The following R3HDML variants were observed in gnomAD, a reference collection of about 807,000 sequenced individuals.
The protein encoded by R3HDML is peptidase inhibitor R3HDML.
R3HDML carries 21 observed loss-of-function variants against 24.2 expected under a neutral mutation model. That is an observed-to-expected ratio of 0.87 (90% CI 0.62 to 1.25). The LOEUF is 1.25. R3HDML is among the 50% of genes most tolerant of loss of function. The probability of loss-of-function intolerance (pLI) is 0.00; values close to 1 mark genes in which losing one functional copy is unlikely to be tolerated. For missense variants in R3HDML, 301 were observed against 340.3 expected (o/e 0.88, Z 0.91); for synonymous variants, 133 against 131.5 (o/e 1.01, Z -0.08).
At position 44,341,191 on chromosome 20, in the gene R3HDML, C is replaced by A. The variant is rs1379753031; in HGVS notation, c.262-5C>A. The A allele has an allele frequency of 6.2e-7, 1 of 1,605,522 alleles. No homozygotes were observed. The highest frequency in any genetic ancestry group is 2.2e-5 in the East Asian group (1 of 44,636). ...TGGGGAATTTCATTGCCTTTCTTTC[C>A]CCAGGTCTGGGACAAGCGGCTGGCC... On this transcript the variant is annotated splice_polypyrimidine_tract_variant and splice_region_variant and intron_variant, in intron 1 of 4. Coordinates refer to ENST00000217043, the MANE Select transcript of R3HDML (RefSeq NM_178491.4).
chr20:44,345,287 C>G lies in R3HDML; in HGVS notation c.538C>G (p.Leu180Val). Reference protein sequence around the residue: ...TQMVWASSNRLGCAIHTCSSI... With the variant: ...TQMVWASSNRVGCAIHTCSSI... ...GATGGTGTGGGCATCCTCCAATCGG[C>G]TGGGCTGTGCCATCCACACCTGTAG... Residue 180 changes from leucine to valine, a missense_variant, in exon 4 of 5, where the codon CTG (leucine) becomes GTG (valine). Transcript: ENST00000217043. The G allele has an allele frequency of 6.2e-7, 1 of 1,614,152 alleles. No homozygotes were observed. The highest frequency in any genetic ancestry group is 8.5e-7 in the Non-Finnish European group (1 of 1,180,010).
chr20:44,345,976 C>T (rs1440433409), intron 4 of R3HDML, among the ~76,000 whole-genome samples: 2 of 151,850 alleles, frequency 1.3e-5, no homozygotes, highest in Non-Finnish European at 2.9e-5. Flanking sequence ...TCTGCCACCA[C>T]GCCCAGCTAA....
At chr20:44,341,706 G>A (rs2062772871) in intron 2 of R3HDML, among the ~76,000 whole-genome samples, 1 of 152,120 alleles carries the variant, frequency 6.6e-6, no homozygotes, top group African/African-American at 2.4e-5. Flanking sequence ...ACAGCATGGT[G>A]AAACCCCGTC....
chr20:44,344,241 A>AC (rs1238280420), intron 3 of R3HDML, among the ~76,000 whole-genome samples: 3 of 151,568 alleles, frequency 2.0e-5, no homozygotes, highest in Non-Finnish European at 2.9e-5. Flanking sequence ...AGATTGCACT[A>AC]CTGCACTCCA....
intron 4 of R3HDML, among the ~76,000 whole-genome samples, chr20:44,349,267 G>A (rs148757749): frequency 6.6e-6 from 1 of 152,192 alleles, no homozygotes; most frequent in Non-Finnish European, 1.5e-5. Flanking sequence ...ATAAACTCTT[G>A]GGCATGGGAA....
chr20:44,339,062 TAAAAAAAAAAA>T (rs750054379), intron 1 of R3HDML, among the ~76,000 whole-genome samples: 2 of 111,566 alleles, frequency 1.8e-5, no homozygotes, highest in Non-Finnish European at 3.6e-5. Flanking sequence ...AAACTCTATC[TAAAAAAAAAAA>T]AAAAAAAAAA....
At chr20:44,344,371 G>A (rs1361686709) in intron 3 of R3HDML, among the ~76,000 whole-genome samples, 2 of 152,080 alleles carry the variant, frequency 1.3e-5, no homozygotes, top group South Asian at 4.1e-4. Flanking sequence ...GAGCCCAGGA[G>A]GTTGAGGTTG....
At chr20:44,344,514 G>A (rs2062780824) in intron 3 of R3HDML, among the ~76,000 whole-genome samples, 2 of 152,112 alleles carry the variant, frequency 1.3e-5, no homozygotes, top group South Asian at 4.1e-4. Context: ...AGGTGCAGTG[G>A]CTCATGCCTG....
chr20:44,349,146 T>TA (rs1188627241), intron 4 of R3HDML, among the ~76,000 whole-genome samples: 7 of 145,798 alleles, frequency 4.8e-5, no homozygotes, highest in Admixed American at 2.1e-4. Flanking sequence ...TAAAATAAAA[T>TA]AAATAAAATA....
intron 4 of R3HDML, 32 bp downstream of exon 4, chr20:44,345,410 T>G: frequency 2.0e-6 from 3 of 1,506,160 alleles, no homozygotes; most frequent in Non-Finnish European, 2.7e-6. Flanking sequence ...AAGAGGGCCC[T>G]GGGGCCGGCG....
At position 44,337,343 on chromosome 20, in the gene R3HDML, C is replaced by A; in HGVS notation, c.186C>A (p.Asp62Glu). The A allele has an allele frequency of 6.2e-7, 1 of 1,614,204 alleles. No individual in the cohort carries two copies. The highest frequency in any genetic ancestry group is 8.5e-7 in the Non-Finnish European group (1 of 1,180,024). The change falls in exon 1 of 5, where the codon GAC becomes GAA. Residue 62 changes from aspartate to glutamate, a missense_variant. Coordinates refer to ENST00000217043, the MANE Select transcript of R3HDML (RefSeq NM_178491.4). The surrounding 1 kb of genome is among the most constrained non-coding windows in gnomAD (Gnocchi z 4.7). Reference sequence around the variant, plus strand: ...GGAAGCGCCACATCTCTGTGAGAGACATGAATGCCTTACTGGATTATCACA... The same window carrying A: ...GGAAGCGCCACATCTCTGTGAGAGAAATGAATGCCTTACTGGATTATCACA... ...YRRKRHISVR[D>E]MNALLDYHNH...
chr20:44,341,451 C>CT (rs1475206234), intron 2 of R3HDML, 137 bp downstream of exon 2: 1 of 661,384 alleles, frequency 1.5e-6, no homozygotes, highest in African/African-American at 1.8e-5. Flanking sequence ...TGCAGGGAGC[C>CT]TGCATTCTAG....
chr20:44,348,433 T>C (rs937811120), intron 4 of R3HDML, among the ~76,000 whole-genome samples: 1 of 151,352 alleles, frequency 6.6e-6, no homozygotes, highest in African/African-American at 2.4e-5. Flanking sequence ...TCCTTCCCCT[T>C]TCCTTTTCCC....
chr20:44,350,001 C>T (rs1481577601), intron 4 of R3HDML, among the ~76,000 whole-genome samples: 1 of 152,052 alleles, frequency 6.6e-6, no homozygotes, highest in Non-Finnish European at 1.5e-5. Flanking sequence ...ACCCAGGAGG[C>T]GGAGGCTGCA....
At chr20:44,344,055 G>A (rs558216772) in intron 3 of R3HDML, among the ~76,000 whole-genome samples, 53 of 152,296 alleles carry the variant, frequency 3.5e-4, no homozygotes, top group Non-Finnish European at 7.2e-4. Flanking sequence ...GGCCAAGGGG[G>A]TGGATCACGA....
chr20:44,339,116 G>C (rs1433649148), intron 1 of R3HDML, among the ~76,000 whole-genome samples: 5 of 149,788 alleles, frequency 3.3e-5, no homozygotes, highest in African/African-American at 9.8e-5. Flanking sequence ...TAGATACCTG[G>C]ACCCCTCTTT....
In R3HDML at chr20:44,337,300, A is replaced by G. The variant is rs765622026; in HGVS notation, c.143A>G (p.Glu48Gly). Residue 48 changes from glutamate to glycine, a missense_variant, in exon 1 of 5, where the codon GAG (glutamate) becomes GGG (glycine). Glu to Gly is a moderately conservative substitution (Grantham distance 98, BLOSUM62 -2). Transcript: ENST00000217043. This position sits in a 1 kb window ranked among gnomAD's most constrained non-coding sequence, Gnocchi z 4.7. ...STAMRLLSGLEVPRYRRKRHI... is the reference protein window; with the variant it reads ...STAMRLLSGLGVPRYRRKRHI... ...GCTATGCGGCTCCTGAGTGGCCTGG[A>G]GGTGCCCAGGTACCGCCGGAAGCGC... is the stretch of plus-strand genomic sequence containing the variant. 2 of 1,614,182 alleles carry G rather than the reference A, an allele frequency of 1.2e-6. No homozygotes were observed. Among genetic ancestry groups the G allele is most frequent in the South Asian group, 1.1e-5 (1 of 91,084 alleles).
At chr20:44,348,696 A>G (rs2062798442) in intron 4 of R3HDML, among the ~76,000 whole-genome samples, 1 of 151,732 alleles carries the variant, frequency 6.6e-6, no homozygotes, top group African/African-American at 2.4e-5. Context: ...TGTTTTTTGT[A>G]GAGACGGGGG....
At position 44,337,198 on chromosome 20, in the gene R3HDML, T is replaced by C; in HGVS notation, c.41T>C (p.Leu14Pro). The change falls in exon 1 of 5, where the codon CTC (leucine) becomes CCC (proline). Residue 14 changes from leucine (L) to proline (P), a missense_variant. Coordinates refer to ENST00000217043, the MANE Select transcript of R3HDML (RefSeq NM_178491.4). This position sits in a 1 kb window ranked among gnomAD's most constrained non-coding sequence, Gnocchi z 4.7. ...LPSTVGLAGL[L>P]FWAGQAVNAL... ...AGCACCGTGGGCCTGGCAGGCCTGCTCTTCTGGGCTGGCCAGGCAGTGAAC... is the reference window on the plus strand; with the variant it reads ...AGCACCGTGGGCCTGGCAGGCCTGCCCTTCTGGGCTGGCCAGGCAGTGAAC... 1 of 1,613,578 alleles carries C rather than the reference T, an allele frequency of 6.2e-7. No individual in the cohort carries two copies. Among genetic ancestry groups the C allele is most frequent in the African/African-American group, 1.3e-5 (1 of 75,032 alleles).
Sources: allele counts gnomAD v4.1 joint callset (sites outside exome capture counted in the v4.1 genomes callset), GRCh38; gene constraint gnomAD v4.1.1; non-coding constraint Gnocchi (gnomAD v3.1); transcripts MANE v1.5; gene names NCBI Gene and HGNC (gene_info 2026-07-23, HGNC 2026-07-21).